Variants in ENTPD5 observed in about 807,000 individuals in gnomAD.
ENTPD5 encodes the protein ectonucleoside triphosphate diphosphohydrolase 5 (inactive), also known as nucleoside diphosphate phosphatase ENTPD5.
ENTPD5 carries 49 observed loss-of-function variants against 60.2 expected under a neutral mutation model. The observed-to-expected ratio is 0.81, with a 90% CI of 0.65 to 1.03. The LOEUF (loss-of-function observed/expected upper bound fraction) is 1.03. ENTPD5 is among the 50% of genes least tolerant of loss of function. The probability of loss-of-function intolerance (pLI) is 0.00; values close to 1 mark genes in which losing one functional copy is unlikely to be tolerated. For missense variants in ENTPD5, 480 were observed against 507.6 expected, an observed-to-expected ratio of 0.95 and a Z score of 0.52; for synonymous variants, 187 against 185.4, an observed-to-expected ratio of 1.01 and a Z score of -0.07.
chr14:73,967,056 C>G (rs1280508554), intron 15 of ENTPD5, 42 bp from the exon 16 acceptor site: 14 of 1,543,092 alleles, frequency 9.1e-6, no homozygotes, highest in Non-Finnish European at 1.2e-5. Flanking sequence ...CATCCAGTTT[C>G]CAACTCTAGC....
At chr14:74,000,710 C>T (rs778939905) in intron 3 of ENTPD5, among the ~76,000 whole-genome samples, 30 of 150,064 alleles carry the variant, frequency 2.0e-4, no homozygotes, top group African/African-American at 2.7e-4. Flanking sequence ...ACCTGGGAGG[C>T]GAGGCTGCAG....
chr14:73,970,175 G>C (rs371888203), intron 14 of ENTPD5, 50 bp from the exon 15 acceptor site: 2 of 1,340,872 alleles, frequency 1.5e-6, no homozygotes, highest in Admixed American at 1.7e-5. Flanking sequence ...TAACTGAGAG[G>C]TGTAGGATTT....
intron 3 of ENTPD5, among the ~76,000 whole-genome samples, chr14:74,001,053 C>T (rs909912323): frequency 1.3e-5 from 2 of 151,854 alleles, no homozygotes; most frequent in South Asian, 2.1e-4. Flanking sequence ...AGACCCTATC[C>T]GTATAAAAAT....
chr14:73,963,061 A>C (rs1254730194), downstream of ENTPD5: 1 of 1,262,424 alleles, frequency 7.9e-7, no homozygotes, highest in Non-Finnish European at 1.2e-6. Context: ...AGGACCCATC[A>C]TACATATTTT....
chr14:73,958,078 T>A (rs1194319427), downstream of ENTPD5: 3 of 1,286,688 alleles, frequency 2.3e-6, no homozygotes, highest in Non-Finnish European at 3.4e-6. Flanking sequence ...TTAGGTTTAG[T>A]TATGGCTTTT....
At chr14:74,013,879 A>G (rs1312194294) in intron 2 of ENTPD5, among the ~76,000 whole-genome samples, 1 of 152,216 alleles carries the variant, frequency 6.6e-6, no homozygotes, top group Non-Finnish European at 1.5e-5. Flanking sequence ...ATAAAAATGC[A>G]GACAAGTGGG....
chr14:73,980,570 T>C (rs1008474351), intron 6 of ENTPD5, among the ~76,000 whole-genome samples: 4 of 152,080 alleles, frequency 2.6e-5, no homozygotes, highest in Non-Finnish European at 5.9e-5. Context: ...GGACTTAATT[T>C]TTTTTGTAGA....
intron 1 of ENTPD5, among the ~76,000 whole-genome samples, chr14:74,017,165 A>C (rs952135861): frequency 9.2e-5 from 14 of 152,186 alleles, no homozygotes; most frequent in African/African-American, 3.4e-4. Flanking sequence ...CTAAAATTAC[A>C]AAAGTAGCCG....
intron 3 of ENTPD5, among the ~76,000 whole-genome samples, chr14:74,007,258 A>G (rs943026373): frequency 6.6e-6 from 1 of 152,302 alleles, no homozygotes; most frequent in African/African-American, 2.4e-5. Flanking sequence ...GCGGTGGCTC[A>G]CGCCTGTAAT....
At chr14:74,005,348 G>A (rs968281824) in intron 3 of ENTPD5, among the ~76,000 whole-genome samples, 5 of 90,452 alleles carry the variant, frequency 5.5e-5, no homozygotes, top group African/African-American at 2.1e-4. Flanking sequence ...CTGGGTGAGA[G>A]AGCAAGACTC....
downstream of ENTPD5, chr14:73,962,793 G>A: frequency 1.6e-6 from 1 of 628,202 alleles, no homozygotes; most frequent in Non-Finnish European, 2.9e-6. Context: ...CTCCAGCCCA[G>A]TCAACAGAGT....
downstream of ENTPD5, chr14:73,961,770 A>T: frequency 1.2e-6 from 2 of 1,614,206 alleles, no homozygotes; most frequent in Non-Finnish European, 1.7e-6. Context: ...TATGAAACAG[A>T]AAGACAGCGT....
At chr14:73,967,077 C>T in intron 15 of ENTPD5, 63 bp from the exon 16 acceptor site, 1 of 1,406,438 alleles carries the variant, frequency 7.1e-7, no homozygotes, top group Non-Finnish European at 1.0e-6. Context: ...AAGCACAGCT[C>T]TTGGGCAGAA....
rs373559919 is a variant in ENTPD5 at position 73,988,791 on chromosome 14, C to T, written c.-70-619G>A. ...GCAGTATATATCTTTCTGAGCCTGGCGTGTTTCACTTAACATAATGACCTT... is the reference window on the plus strand; with the variant it reads ...GCAGTATATATCTTTCTGAGCCTGGTGTGTTTCACTTAACATAATGACCTT... On this transcript the variant is annotated intron_variant, in intron 3 of 15. Transcript: ENST00000334696. Among the ~76,000 whole-genome samples, 17 of 152,114 alleles carry T rather than the reference C, an allele frequency of 1.1e-4. 1 individual carries two copies. The highest frequency in any genetic ancestry group is 7.7e-4 in the East Asian group (4 of 5,180).
rs2057922514 is a variant in ENTPD5, at chr14:73,986,862, A to G, written c.249T>C (p.Phe83=). ...GQLPILEGEV[F]DSVKPGLSAF... ...CAGAAAGTCCTGGCTTCACAGAATC[A>G]AAAACTTCCCCTTCTAGAATTGGAA... The change falls in exon 5 of 16, where the codon TTT becomes TTC. Residue 83 remains phenylalanine (F), a synonymous_variant. Transcript: ENST00000334696. The G allele has an allele frequency of 6.2e-7, 1 of 1,613,930 alleles. No individual in the cohort carries two copies. The highest frequency in any genetic ancestry group is 1.3e-5 in the African/African-American group (1 of 74,938).
chr14:73,957,065 C>G (rs986282357), downstream of ENTPD5, among the ~76,000 whole-genome samples: 14 of 151,600 alleles, frequency 9.2e-5, no homozygotes, highest in Non-Finnish European at 2.1e-4. Context: ...TCTTTGTTGT[C>G]CAGACTTCTA....
At position 73,989,632 on chromosome 14, in the gene ENTPD5, A is replaced by G. The variant is rs1233839173; in HGVS notation, c.-70-1460T>C. Among the ~76,000 whole-genome samples, 198 of 148,410 alleles carry G rather than the reference A, an allele frequency of 1.3e-3. 1 individual carries two copies. The highest frequency in any genetic ancestry group is 4.7e-3 in the African/African-American group (190 of 40,488). On this transcript the variant is annotated intron_variant, in intron 3 of 15. Coordinates refer to ENST00000334696, the MANE Select transcript of ENTPD5 (RefSeq NM_001249.5). ...GCGGATCACCTGAGGTCAGGAGTTC[A>G]AGACCAGCCTGGCCAACATGGTGAA...
intron 3 of ENTPD5, among the ~76,000 whole-genome samples, chr14:74,010,782 T>C (rs2058825349): frequency 6.6e-6 from 1 of 152,188 alleles, no homozygotes; most frequent in Non-Finnish European, 1.5e-5. Context: ...GACATCATGC[T>C]ATATATTTTC....
At chr14:73,957,970 T>A (rs2056521340), downstream of ENTPD5, 4 of 632,426 alleles carry the variant, frequency 6.3e-6, no homozygotes, top group Non-Finnish European at 1.1e-5. Context: ...CATTGAGTTA[T>A]CTCTGTGGCT....
Sources: allele counts gnomAD v4.1 joint callset (sites outside exome capture counted in the v4.1 genomes callset), GRCh38; gene constraint gnomAD v4.1.1; transcripts MANE v1.5; gene names NCBI Gene and HGNC (gene_info 2026-07-23, HGNC 2026-07-21).